The following SLC36A1 variants were observed in gnomAD, a reference collection of about 807,000 sequenced individuals.
The protein encoded by SLC36A1 is solute carrier family 36 member 1, also known as proton-coupled amino acid transporter 1.
In SLC36A1, 30 loss-of-function variants were observed where a neutral mutation model predicts 47.5. The observed-to-expected ratio is 0.63, with a 90% CI of 0.47 to 0.86. The LOEUF (loss-of-function observed/expected upper bound fraction) is 0.86, where lower values mean the gene tolerates loss of function less well. SLC36A1 is among the 40% of genes least tolerant of loss of function. The pLI, the probability that SLC36A1 is intolerant of heterozygous loss-of-function variation, is 0.00. For missense variants in SLC36A1, 517 were observed against 606.0 expected (o/e 0.85, Z 1.54); for synonymous variants, 255 against 249.7 (o/e 1.02, Z -0.20).
In SLC36A1 at chr5:151,468,328, GTTA is replaced by G. The variant is rs569780085; in HGVS notation, c.723+408_723+410del. The stretch of plus-strand genomic sequence containing the variant: ...TATATATTTACATATATGTGTATAT[GTTA>G]TTATATTTTATATATATTACATGTA... On this transcript the variant is annotated intron_variant, in intron 7 of 10. Transcript: ENST00000243389. 2.8e-3 allele frequency among the ~76,000 whole-genome samples: 273 copies of G among 98,170 alleles called. 2 individuals carry two copies. Among genetic ancestry groups the G allele is most frequent in the Middle Eastern group, 0.013 (2 of 152 alleles). The allele number at this position is 98,170 out of a possible 152,430, so 64.4% of individuals were successfully genotyped here.
the SLC36A1 span, chr5:151,512,508 G>A: frequency 6.2e-7 from 1 of 1,614,000 alleles, no homozygotes. This position sits in a 1 kb window ranked among gnomAD's most constrained non-coding sequence, Gnocchi z 4.1. Flanking sequence ...CCACCAGGAT[G>A]GAGTGCCACT....
the SLC36A1 span, among the ~76,000 whole-genome samples, chr5:151,522,670 A>G: frequency 1.3e-5 from 2 of 152,238 alleles, no homozygotes; most frequent in Admixed American, 1.3e-4. Flanking sequence ...CCTAACTTTG[A>G]TCAGGTAGAA....
chr5:151,428,590 G>A, the SLC36A1 span, among the ~76,000 whole-genome samples: 11 of 152,200 alleles, frequency 7.2e-5, no homozygotes, highest in African/African-American at 2.6e-4. Context: ...GCCTTCACTT[G>A]GGGAGCATCC....
the SLC36A1 span, among the ~76,000 whole-genome samples, chr5:151,385,009 AGTGTGTGT>A: frequency 4.7e-5 from 6 of 128,466 alleles, no homozygotes; most frequent in African/African-American, 2.2e-4. Context: ...AGAGAGAGAG[AGTGTGTGT>A]GTGTGTGTGT....
At chr5:151,543,050 C>G in the SLC36A1 span, 1 of 1,614,160 alleles carries the variant, frequency 6.2e-7, no homozygotes, top group Admixed American at 1.7e-5. Flanking sequence ...TACAAAGGTT[C>G]AGAAAATTTC....
At chr5:151,543,202 ACAC>A in the SLC36A1 span, 1 of 1,614,196 alleles carries the variant, frequency 6.2e-7, no homozygotes, top group Non-Finnish European at 8.5e-7. Flanking sequence ...CACCTTGACC[ACAC>A]CAGTGACTGG....
At chr5:151,479,857 A>G (rs1758579712) in intron 10 of SLC36A1, 1 of 527,976 alleles carries the variant, frequency 1.9e-6, no homozygotes. Flanking sequence ...GATGAAGGGT[A>G]CTTATTTGCT....
upstream of SLC36A1, chr5:151,437,051 T>G (rs1261824941): frequency 6.6e-6 from 1 of 152,318 alleles, no homozygotes; most frequent in Non-Finnish European, 1.5e-5. Context: ...GCTCCAGAGC[T>G]CTTCATCCGC....
the SLC36A1 span, among the ~76,000 whole-genome samples, chr5:151,372,678 C>A: frequency 6.6e-6 from 1 of 151,972 alleles, no homozygotes; most frequent in Non-Finnish European, 1.5e-5. Context: ...GAACTTCTGG[C>A]CCCAAGCAGT....
intron 9 of SLC36A1, chr5:151,477,717 G>T (rs1758269972): frequency 2.0e-5 from 3 of 152,206 alleles, no homozygotes. Context: ...AGGGTAATTG[G>T]CATATCCATC....
the SLC36A1 span, chr5:151,378,174 T>G: frequency 3.5e-6 from 1 of 284,404 alleles, no homozygotes. Context: ...TCATTCACTT[T>G]TATTTATAGG....
the SLC36A1 span, among the ~76,000 whole-genome samples, chr5:151,524,189 T>C: frequency 1.3e-5 from 2 of 152,198 alleles, no homozygotes; most frequent in Admixed American, 6.5e-5. Flanking sequence ...CCTCTCATTG[T>C]ACTTAGATTA....
the SLC36A1 span, chr5:151,542,649 A>T: frequency 2.5e-6 from 4 of 1,614,100 alleles, no homozygotes; most frequent in Non-Finnish European, 3.4e-6. Context: ...CATCTCTCCC[A>T]GTGTCCTTGT....
the SLC36A1 span, among the ~76,000 whole-genome samples, chr5:151,351,163 T>A: frequency 1.3e-5 from 2 of 152,138 alleles, no homozygotes; most frequent in Admixed American, 6.5e-5. Context: ...ATTTTATTGT[T>A]GGAGGGAACT....
At chr5:151,507,023 C>G in the SLC36A1 span, 1 of 755,458 alleles carries the variant, frequency 1.3e-6, no homozygotes, top group Non-Finnish European at 2.1e-6. Flanking sequence ...TTGAACACAT[C>G]TCATCATGTC....
At chr5:151,415,694 C>T in the SLC36A1 span, among the ~76,000 whole-genome samples, 2 of 152,188 alleles carry the variant, frequency 1.3e-5, no homozygotes, top group African/African-American at 4.8e-5. Context: ...TCCTAGCACA[C>T]AGCATGATGC....
At chr5:151,529,586 T>C in the SLC36A1 span, among the ~76,000 whole-genome samples, 211 of 152,328 alleles carry the variant, frequency 1.4e-3, 1 homozygote, top group South Asian at 0.013. Flanking sequence ...CATTTTTCTT[T>C]ATTATTATTC....
chr5:151,413,229 C>CT, the SLC36A1 span, among the ~76,000 whole-genome samples: 21,679 of 144,832 alleles, frequency 0.15, 1,895 homozygotes, highest in East Asian at 0.38. Context: ...ACCTAGGCAT[C>CT]TTTTTTTTTT....
rs1469559579 is a variant in SLC36A1 at position 151,491,651 on chromosome 5, G to C, written c.*3397G>C. 2 of 152,568 alleles carry C rather than the reference G, an allele frequency of 1.3e-5. No homozygotes were observed. Among genetic ancestry groups the C allele is most frequent in the African/African-American group, 4.8e-5 (2 of 41,402 alleles). 9.5% of individuals were successfully genotyped at this position (152,568 alleles called of 1,614,324 possible). A position where few individuals can be genotyped will look rare whatever the true frequency, so the allele number is the denominator to read the frequency against. ...CTCTCTCCTCACTGCTCACAGCAAG[G>C]GGTTCTGTATCAGTGGATTTCATTT... On this transcript the variant is annotated 3_prime_UTR_variant, in exon 11 of 11. Transcript: ENST00000243389.
Sources: allele counts gnomAD v4.1 joint callset (sites outside exome capture counted in the v4.1 genomes callset), GRCh38; gene constraint gnomAD v4.1.1; non-coding constraint Gnocchi (gnomAD v3.1); transcripts MANE v1.5; gene names NCBI Gene and HGNC (gene_info 2026-07-23, HGNC 2026-07-21).